SOX5: variants seen among roughly 807,000 people sequenced by gnomAD.
The protein encoded by SOX5 is SRY-box transcription factor 5, also known as transcription factor SOX-5.
In SOX5, 9 loss-of-function variants were observed where a neutral mutation model predicts 92.0. That is an observed-to-expected ratio of 0.10 (90% CI 0.06 to 0.17). The LOEUF (loss-of-function observed/expected upper bound fraction) is 0.17, where lower values mean the gene tolerates loss of function less well. SOX5 is among the 10% of genes least tolerant of loss of function. The pLI is 1.00. For synonymous variants in SOX5, 344 were observed against 336.3 expected, an observed-to-expected ratio of 1.02 and a Z score of -0.25; for missense variants, 642 against 944.5, an observed-to-expected ratio of 0.68 and a Z score of 4.20.
At chr12:24,153,589 T>C (rs4619237) in intron 4 of SOX5, among the ~76,000 whole-genome samples, 19,000 of 152,120 alleles carry the variant, frequency 0.12, 1,748 homozygotes, top group East Asian at 0.46. Flanking sequence ...ATACATAGGT[T>C]ATCAACATCT....
At chr12:23,819,195 T>C (rs544959536) in intron 3 of SOX5, among the ~76,000 whole-genome samples, 6 of 152,172 alleles carry the variant, frequency 3.9e-5, no homozygotes, top group Non-Finnish European at 7.4e-5. Context: ...ACCACAAACT[T>C]GTGAATAACA....
In SOX5 at chr12:23,984,333, A is replaced by T. The variant is rs151081376; in HGVS notation, c.-1-88309T>A. ...AAAGGGCCTACAAGAAGCACAAAGC[A>T]GCACTGGAGAAGCATTTAGCTAAGT... On this transcript the variant is annotated intron_variant, in intron 4 of 4. Transcript: ENST00000446891. Among the ~76,000 whole-genome samples, 751 of 152,330 alleles carry T rather than the reference A, an allele frequency of 4.9e-3. 20 individuals carry two copies. Among genetic ancestry groups the T allele is most frequent in the Admixed American group, 0.024 (374 of 15,290 alleles).
At chr12:23,564,615 A>G (rs192690450) in intron 10 of SOX5, among the ~76,000 whole-genome samples, 2 of 152,332 alleles carry the variant, frequency 1.3e-5, no homozygotes, top group East Asian at 3.9e-4. Flanking sequence ...AACAAAAAAC[A>G]TCTGGGCCAT....
intron 1 of SOX5, among the ~76,000 whole-genome samples, chr12:24,449,933 T>C (rs554777727): frequency 5.3e-4 from 81 of 152,312 alleles, no homozygotes; most frequent in African/African-American, 1.9e-3. Context: ...ACATTATCTA[T>C]GAAAGTATTA....
chr12:23,948,231 A>C (rs1018389846), intron 1 of SOX5, among the ~76,000 whole-genome samples: 2 of 151,950 alleles, frequency 1.3e-5, no homozygotes, highest in African/African-American at 2.4e-5. Context: ...TAAAAAAAAA[A>C]ACACAGAAGA....
At chr12:24,433,923 C>A (rs1401379188) in intron 1 of SOX5, among the ~76,000 whole-genome samples, 1 of 152,064 alleles carries the variant, frequency 6.6e-6, no homozygotes, top group African/African-American at 2.4e-5. Context: ...AGCAAGAGAG[C>A]TAGGCTTGTG....
intron 1 of SOX5, among the ~76,000 whole-genome samples, chr12:24,388,335 CCT>C (rs1216324688): frequency 2.8e-4 from 42 of 152,102 alleles, no homozygotes; most frequent in African/African-American, 1.0e-3. Context: ...AAAAGACGCC[CCT>C]GTTCCAGGCT....
chr12:23,592,994 G>A (rs1951791701), intron 9 of SOX5, among the ~76,000 whole-genome samples: 1 of 152,050 alleles, frequency 6.6e-6, no homozygotes, highest in South Asian at 2.1e-4. Flanking sequence ...CAGGAGAATT[G>A]CTTGAACCTG....
At chr12:24,483,693 T>A (rs919331687) in intron 1 of SOX5, among the ~76,000 whole-genome samples, 1 of 152,248 alleles carries the variant, frequency 6.6e-6, no homozygotes, top group Non-Finnish European at 1.5e-5. Flanking sequence ...ATTGTTCACG[T>A]GAGCTGCTGA....
intron 11 of SOX5, among the ~76,000 whole-genome samples, chr12:23,557,133 T>C (rs888850161): frequency 6.6e-6 from 1 of 152,182 alleles, no homozygotes; most frequent in East Asian, 1.9e-4. Context: ...GTGGTTGTAA[T>C]GGACGAGTTT....
At chr12:24,375,131 C>T (rs1957125604) in intron 1 of SOX5, among the ~76,000 whole-genome samples, 1 of 151,970 alleles carries the variant, frequency 6.6e-6, no homozygotes. Flanking sequence ...CGCCACTACG[C>T]CCAGCTAATT....
chr12:23,723,209 T>C (rs2092918653), intron 6 of SOX5, among the ~76,000 whole-genome samples: 1 of 151,904 alleles, frequency 6.6e-6, no homozygotes, highest in African/African-American at 2.4e-5. Flanking sequence ...TCTCTCTCTT[T>C]CTCCCTCTCT....
chr12:24,454,481 C>A (rs1300784534), intron 1 of SOX5, among the ~76,000 whole-genome samples: 1 of 152,156 alleles, frequency 6.6e-6, no homozygotes, highest in Non-Finnish European at 1.5e-5. Flanking sequence ...CTCACAGATA[C>A]AAACATGTGG....
intron 4 of SOX5, among the ~76,000 whole-genome samples, chr12:24,126,337 C>T (rs1030448189): frequency 1.2e-4 from 19 of 152,122 alleles, no homozygotes; most frequent in Non-Finnish European, 2.5e-4. Flanking sequence ...ATACAAAATT[C>T]GTGTGCTCAA....
chr12:23,879,105 G>A (rs951566311), intron 2 of SOX5, among the ~76,000 whole-genome samples: 2 of 152,036 alleles, frequency 1.3e-5, no homozygotes, highest in African/African-American at 4.8e-5. Flanking sequence ...TAATATATGA[G>A]TGTTCACAAT....
At chr12:24,491,786 T>C (rs1947108143) in intron 1 of SOX5, among the ~76,000 whole-genome samples, 1 of 152,208 alleles carries the variant, frequency 6.6e-6, no homozygotes, top group Admixed American at 6.5e-5. Flanking sequence ...TTTCTTAGAC[T>C]GTTCTTCCTC....
chr12:24,503,726 A>G (rs148068416), intron 1 of SOX5, among the ~76,000 whole-genome samples: 38 of 152,352 alleles, frequency 2.5e-4, no homozygotes, highest in African/African-American at 8.7e-4. Flanking sequence ...AACTCAGGAC[A>G]GAAAACCAAC....
chr12:24,456,747 C>G (rs1167165081), intron 1 of SOX5, among the ~76,000 whole-genome samples: 1 of 152,170 alleles, frequency 6.6e-6, no homozygotes, highest in African/African-American at 2.4e-5. Context: ...AATGTGAAAG[C>G]TTCATTATCA....
At chr12:24,229,274 C>G (rs1242904665) in intron 3 of SOX5, among the ~76,000 whole-genome samples, 1 of 152,198 alleles carries the variant, frequency 6.6e-6, no homozygotes, top group Non-Finnish European at 1.5e-5. Context: ...ATGTGGCGGG[C>G]CATTTACTGC....
Sources: gnomAD v4.1 joint callset for allele counts (sites outside exome capture counted in the v4.1 genomes callset) on GRCh38, gnomAD v4.1.1 for gene constraint, MANE v1.5 for transcripts, NCBI Gene and HGNC (gene_info 2026-07-23, HGNC 2026-07-21) for gene names.